The following CFHR5 variants were observed in gnomAD, a reference collection of about 807,000 sequenced individuals.
CFHR5 encodes the protein complement factor H-related protein 5.
In CFHR5, 73 loss-of-function variants were observed where a neutral mutation model predicts 62.9. That is an observed-to-expected ratio of 1.16 (90% CI 0.96 to 1.41). The LOEUF (loss-of-function observed/expected upper bound fraction) is 1.41. CFHR5 is among the 40% of genes most tolerant of loss of function. The pLI, the probability that CFHR5 is intolerant of heterozygous loss-of-function variation, is 0.00. For synonymous variants in CFHR5, 249 were observed against 227.2 expected (o/e 1.10, Z -0.86); for missense variants, 779 against 679.9 (o/e 1.15, Z -1.62).
intron 2 of CFHR5, 101 bp from the exon 3 acceptor site, chr1:196,983,860 A>T: frequency 4.0e-6 from 3 of 753,790 alleles, no homozygotes; most frequent in Non-Finnish European, 6.7e-6. Flanking sequence ...ATATTTACAC[A>T]TGATGTCAGT....
chr1:196,993,817 G>A (rs1321399688), intron 3 of CFHR5, among the ~76,000 whole-genome samples: 1 of 152,060 alleles, frequency 6.6e-6, no homozygotes, highest in African/African-American at 2.4e-5. Flanking sequence ...TACTGTATGA[G>A]TAACTTCACA....
At position 196,977,897 on chromosome 1, in the gene CFHR5, A is replaced by G. The variant is rs550637063; in HGVS notation, c.58+175A>G. 2.6e-5 allele frequency among the ~76,000 whole-genome samples: 4 copies of G among 152,190 alleles called. No individual in the cohort carries two copies. In the South Asian group the frequency reaches 8.3e-4, roughly 32 times the overall value. ...TTTTCCAACATGCAATTAGCAGGAA[A>G]ATTGAATGAAATTAATTCTCTCCGT... On this transcript the variant is annotated intron_variant, in intron 1 of 9. Coordinates refer to ENST00000256785, the MANE Select transcript of CFHR5 (RefSeq NM_030787.4).
chr1:196,975,316 T>A (rs900957141), upstream of CFHR5, among the ~76,000 whole-genome samples: 1 of 152,182 alleles, frequency 6.6e-6, no homozygotes, highest in African/African-American at 2.4e-5. Context: ...GTGAATTAGA[T>A]TACTAGAAAG....
chr1:196,982,227 T>C (rs1432086876), intron 1 of CFHR5, among the ~76,000 whole-genome samples: 1 of 152,184 alleles, frequency 6.6e-6, no homozygotes, highest in Non-Finnish European at 1.5e-5. Flanking sequence ...CTATCACTCC[T>C]CTACTGTACA....
At chr1:196,993,993 G>T (rs1408688262) in intron 3 of CFHR5, 87 bp from the exon 4 acceptor site, 2 of 977,826 alleles carry the variant, frequency 2.0e-6, no homozygotes, top group African/African-American at 1.6e-5. Flanking sequence ...TGTATATGAA[G>T]CCCCTTGCAT....
chr1:196,977,857 T>A, intron 1 of CFHR5, 135 bp downstream of exon 1: 1 of 737,722 alleles, frequency 1.4e-6, no homozygotes, highest in Non-Finnish European at 2.4e-6. Context: ...AATATTCATC[T>A]ATTTTCTGGA....
Position 196,994,094 on chromosome 1 carries a change from G to T in CFHR5, c.445G>T (p.Val149Phe). The T allele has an allele frequency of 6.2e-7, 1 of 1,612,558 alleles. No individual in the cohort carries two copies. The highest frequency in any genetic ancestry group is 1.3e-5 in the African/African-American group (1 of 74,930). The change falls in exon 4 of 10, where the codon GTT becomes TTT. Residue 149 changes from valine to phenylalanine, a missense_variant. Transcript: ENST00000256785. Reference protein sequence around the residue: ...ICSFTKGECHVPILEANVDAQ... With the variant: ...ICSFTKGECHFPILEANVDAQ... ...TTTATTTTTAGAAGGAGAATGTCAT[G>T]TTCCAATTTTAGAAGCCAATGTAGA...
chr1:196,988,580 G>C (rs1483956022), intron 3 of CFHR5, among the ~76,000 whole-genome samples: 1 of 152,136 alleles, frequency 6.6e-6, no homozygotes, highest in Non-Finnish European at 1.5e-5. Flanking sequence ...TTAGCATGAA[G>C]CGCTGTTGAA....
At chr1:196,982,696 T>C (rs1272496305) in intron 1 of CFHR5, among the ~76,000 whole-genome samples, 189 bp from the exon 2 acceptor site, 1 of 151,846 alleles carries the variant, frequency 6.6e-6, no homozygotes. Context: ...AAAGATCTCC[T>C]CAAATACTCT....
chr1:196,986,080 G>T (rs1055518997), intron 3 of CFHR5, among the ~76,000 whole-genome samples: 3 of 152,166 alleles, frequency 2.0e-5, no homozygotes, highest in African/African-American at 4.8e-5. Context: ...CCAAGTCAGA[G>T]TCTCCAAAGT....
At chr1:196,980,627 T>C (rs1345252499) in intron 1 of CFHR5, among the ~76,000 whole-genome samples, 1 of 149,634 alleles carries the variant, frequency 6.7e-6, no homozygotes, top group Non-Finnish European at 1.5e-5. Context: ...TGTGTGTGTG[T>C]GTATCCCAGA....
At position 197,002,597 on chromosome 1, in the gene CFHR5, T is replaced by A. The variant is rs1654183329; in HGVS notation, c.1263T>A (p.Tyr421Ter). The A allele has an allele frequency of 1.2e-6, 2 of 1,613,230 alleles. No individual in the cohort carries two copies. The change falls in exon 8 of 10, where the codon TAT becomes TAA. Residue 421 changes from tyrosine (Y) to a stop codon, truncating the protein, a stop_gained. Coordinates refer to ENST00000256785, the MANE Select transcript of CFHR5 (RefSeq NM_030787.4). LOFTEE classifies it high-confidence loss of function. ...TAGCTGTTCTCTGTAAAGAAAACTATCTACTTCCAGAAGCAAAAGAAATTG... is the reference window on the plus strand; with the variant it reads ...TAGCTGTTCTCTGTAAAGAAAACTAACTACTTCCAGAAGCAAAAGAAATTG... ...EKVAVLCKENYLLPEAKEIVC... is the reference protein window; with the variant it reads ...EKVAVLCKEN
chr1:196,999,473 A>G (rs534146322), intron 7 of CFHR5, among the ~76,000 whole-genome samples: 1 of 151,492 alleles, frequency 6.6e-6, no homozygotes. Context: ...AAATAACATT[A>G]AAAGTGTATA....
At chr1:196,976,951 C>G (rs1653410564), upstream of CFHR5, among the ~76,000 whole-genome samples, 1 of 151,510 alleles carries the variant, frequency 6.6e-6, no homozygotes, top group South Asian at 2.1e-4. Flanking sequence ...ACTACAGGCG[C>G]CCGCCACCAC....
At position 196,977,724 on chromosome 1, in the gene CFHR5, T is replaced by C. The variant is rs1653433368; in HGVS notation, c.58+2T>C. The C allele has an allele frequency of 6.2e-7, 1 of 1,610,018 alleles. No individual in the cohort carries two copies. Among genetic ancestry groups the C allele is most frequent in the South Asian group, 1.1e-5 (1 of 90,902 alleles). ...GGGTATCCACTGTTGGGGGAGAAGG[T>C]AAGTTGAAAACAGATCCGAATATTT... On this transcript the variant is annotated splice_donor_variant, in intron 1 of 9. Coordinates refer to ENST00000256785, the MANE Select transcript of CFHR5 (RefSeq NM_030787.4). LOFTEE classifies it high-confidence loss of function.
rs1477777410 is a variant in CFHR5, at chr1:197,004,821, G to A, written c.1491G>A (p.Trp497Ter). ...CTGTAACATGCAGAAATAAACAGTG[G>A]TCAGAACCACCAAGATGCCTAGGTG... Reference protein sequence around the residue: ...SVTVTCRNKQWSEPPRCLDPC... With the variant: ...SVTVTCRNKQ Residue 497 changes from tryptophan (W) to a stop codon, truncating the protein, a stop_gained, in exon 9 of 10, where the codon TGG (tryptophan) becomes TGA (stop). Transcript: ENST00000256785. LOFTEE classifies it low-confidence loss of function (END_TRUNC). 6.2e-7 allele frequency: 1 copy of A among 1,613,330 alleles called. No homozygotes were observed. Among genetic ancestry groups the A allele is most frequent in the Admixed American group, 1.7e-5 (1 of 59,988 alleles).
At chr1:197,004,122 A>C (rs1442822356) in intron 8 of CFHR5, among the ~76,000 whole-genome samples, 1 of 152,158 alleles carries the variant, frequency 6.6e-6, no homozygotes, top group African/African-American at 2.4e-5. Flanking sequence ...CTTAGCATGA[A>C]GTTGTTACTT....
chr1:196,990,863 G>T (rs1653825918), intron 3 of CFHR5, among the ~76,000 whole-genome samples: 1 of 152,014 alleles, frequency 6.6e-6, no homozygotes, highest in Non-Finnish European at 1.5e-5. Context: ...TCTTCTCGAG[G>T]AGTATTTTTT....
Position 197,009,175 on chromosome 1 carries a change from C to T in CFHR5, c.*492C>T, listed in dbSNP as rs1337395644. 6.4e-6 allele frequency: 1 copy of T among 156,306 alleles called. No individual in the cohort carries two copies. The highest frequency in any genetic ancestry group is 2.4e-5 in the African/African-American group (1 of 41,412). 9.7% of individuals were successfully genotyped at this position (156,306 alleles called of 1,614,324 possible). A position where few individuals can be genotyped will look rare whatever the true frequency, so the allele number is the denominator to read the frequency against. On this transcript the variant is annotated 3_prime_UTR_variant, in exon 10 of 10. Transcript: ENST00000256785. Reference sequence around the variant, plus strand: ...TATAAAGACACCACTCCTGAGATAACAATCCAATCCCATGATAATGACATT... The same window carrying T: ...TATAAAGACACCACTCCTGAGATAATAATCCAATCCCATGATAATGACATT...
Sources: allele counts gnomAD v4.1 joint callset (sites outside exome capture counted in the v4.1 genomes callset), GRCh38; gene constraint gnomAD v4.1.1; transcripts MANE v1.5; gene names NCBI Gene and HGNC (gene_info 2026-07-23, HGNC 2026-07-21).